Variants in OTOS observed in about 807,000 individuals in gnomAD.
OTOS encodes otospiralin.
A neutral mutation model predicts 12.5 loss-of-function variants in OTOS; 14 were observed. That is an observed-to-expected ratio of 1.12 (90% CI 0.74 to 1.76). The LOEUF (loss-of-function observed/expected upper bound fraction) is 1.76, where lower values mean the gene tolerates loss of function less well. Among genes scored for constraint, OTOS ranks in the 40% most tolerant of loss-of-function variants. OTOS has a pLI of 0.00. For synonymous variants in OTOS, 49 were observed against 47.6 expected (o/e 1.03, Z -0.12); for missense variants, 141 against 112.8 (o/e 1.25, Z -1.13).
rs114600258 is a variant in OTOS, at chr2:240,140,390, G to A, written c.-64C>T. 25,638 of 1,493,444 alleles carry A rather than the reference G, an allele frequency of 0.017. 302 individuals are homozygous for A. Among genetic ancestry groups the A allele is most frequent in the African/African-American group, 0.048 (3,476 of 72,238 alleles). The allele number at this position is 1,493,444 out of a possible 1,614,324, so 92.5% of individuals were successfully genotyped here. ...GCAGCAGGATGAACCCAGGAAGGGC[G>A]AGACCACCCATCCGTCAGGGCCGGC... On this transcript the variant is annotated 5_prime_UTR_variant, in exon 2 of 4. Coordinates refer to ENST00000319460, the MANE Select transcript of OTOS (RefSeq NM_148961.4).
At chr2:240,139,928 G>T in intron 3 of OTOS, 134 bp downstream of exon 3, 2 of 1,019,754 alleles carry the variant, frequency 2.0e-6, no homozygotes, top group Non-Finnish European at 2.9e-6. Context: ...TGTTTTCCAT[G>T]CTTGGGCCTG....
Position 240,139,283 on chromosome 2 carries a change from G to A in OTOS, c.157C>T (p.His53Tyr). 1 of 1,614,196 alleles carries A rather than the reference G, an allele frequency of 6.2e-7. No homozygotes were observed. The highest frequency in any genetic ancestry group is 8.5e-7 in the Non-Finnish European group (1 of 1,180,034). ...STSDFWNYVQ[H>Y]FQALGAYPQI... ...GGGTAGGCCCCCAGGGCCTGGAAGT[G>A]CTGCACATAGTTCCAGAAGTCAGAG... is the stretch of plus-strand genomic sequence containing the variant. Residue 53 changes from histidine to tyrosine, a missense_variant, in exon 4 of 4, where the codon CAC becomes TAC. Physicochemically the swap from His to Tyr is moderately conservative, Grantham distance 83 (BLOSUM62 2). Coordinates refer to ENST00000319460, the MANE Select transcript of OTOS (RefSeq NM_148961.4).
chr2:240,139,313 A>G lies in OTOS; in HGVS notation c.127T>C (p.Ser43Pro), dbSNP rs1481702942. 1.2e-6 allele frequency: 2 copies of G among 1,614,022 alleles called. No individual in the cohort carries two copies. The highest frequency in any genetic ancestry group is 1.7e-6 in the Non-Finnish European group (2 of 1,180,012). ...ELPAMPYWPF[S>P]TSDFWNYVQH... ...ACATAGTTCCAGAAGTCAGAGGTGG[A>G]GAAAGGCCAGTAGGGCATGGCCGGC... Residue 43 changes from serine to proline, a missense_variant, in exon 4 of 4, where the codon TCC becomes CCC. Ser to Pro is a moderately conservative substitution (Grantham distance 74, BLOSUM62 -1). Coordinates refer to ENST00000319460, the MANE Select transcript of OTOS (RefSeq NM_148961.4).
At chr2:240,140,211 A>AGAACAGGAGGGCTGTC in intron 2 of OTOS, 58 bp downstream of exon 2, 6 of 1,587,204 alleles carry the variant, frequency 3.8e-6, no homozygotes, top group Non-Finnish European at 5.1e-6. Flanking sequence ...GGGAGGGGAG[A>AGAACAGGAGGGCTGTC]GAACAGGAGG....
At position 240,139,268 on chromosome 2, in the gene OTOS, CCAGGGCCTGGA is replaced by C; in HGVS notation, c.161_171del (p.Phe54TrpfsTer74). 6.2e-7 allele frequency: 1 copy of C among 1,614,164 alleles called. No homozygotes were observed. Among genetic ancestry groups the C allele is most frequent in the Non-Finnish European group, 8.5e-7 (1 of 1,180,014 alleles). ...ATGTCCTCGATCTGGGGGTAGGCCC[CCAGGGCCTGGA>C]AGTGCTGCACATAGTTCCAGAAGTC... On this transcript the variant is annotated frameshift_variant, in exon 4 of 4. Coordinates refer to ENST00000319460, the MANE Select transcript of OTOS (RefSeq NM_148961.4). LOFTEE classifies it high-confidence loss of function.
intron 3 of OTOS, 53 bp downstream of exon 3, chr2:240,140,009 G>T: frequency 2.5e-6 from 4 of 1,590,508 alleles, no homozygotes; most frequent in East Asian, 2.2e-5. Flanking sequence ...GTTTCTCCCC[G>T]CTGCATACCA....
chr2:240,139,611 G>T (rs1423406400), intron 3 of OTOS, among the ~76,000 whole-genome samples: 1 of 152,212 alleles, frequency 6.6e-6, no homozygotes, highest in African/African-American at 2.4e-5. Flanking sequence ...TGGGGAGGGT[G>T]TGGGGCACCA....
Position 240,140,249 on chromosome 2 carries a change from C to A in OTOS, c.58+20G>T. 6.3e-7 allele frequency: 1 copy of A among 1,585,278 alleles called. No homozygotes were observed. Among genetic ancestry groups the A allele is most frequent in the Non-Finnish European group, 8.6e-7 (1 of 1,165,318 alleles). On this transcript the variant is annotated intron_variant, in intron 2 of 3. Coordinates refer to ENST00000319460, the MANE Select transcript of OTOS (RefSeq NM_148961.4). The stretch of plus-strand genomic sequence containing the variant: ...TGTCGGGGGTCCTGGTGGCTGCCTC[C>A]CTCCAGAGCGGCCCCTCACCTGCAA...
In OTOS at chr2:240,140,333, G is replaced by A. The variant is rs775908430; in HGVS notation, c.-7C>T. ...GCACCATGCAGGCCTGCATCTTCCCGGTGCTTCCTGATCTGCGACTCAGGC... is the reference window on the plus strand; with the variant it reads ...GCACCATGCAGGCCTGCATCTTCCCAGTGCTTCCTGATCTGCGACTCAGGC... On this transcript the variant is annotated 5_prime_UTR_variant, in exon 2 of 4. Coordinates refer to ENST00000319460, the MANE Select transcript of OTOS (RefSeq NM_148961.4). 137 of 1,578,030 alleles carry A rather than the reference G, an allele frequency of 8.7e-5. No individual in the cohort carries two copies. Among genetic ancestry groups the A allele is most frequent in the East Asian group, 7.9e-4 (34 of 43,206 alleles).
intron 3 of OTOS, 83 bp from the exon 4 acceptor site, chr2:240,139,437 T>G (rs958497373): frequency 1.0e-5 from 15 of 1,430,566 alleles, no homozygotes; most frequent in African/African-American, 1.4e-5. Context: ...TCAAGGCAAG[T>G]GGATGGTTCC....
rs2072033204 is a variant in OTOS at position 240,139,384 on chromosome 2, G to T, written c.86-30C>A. On this transcript the variant is annotated intron_variant, in intron 3 of 3. Transcript: ENST00000319460. ...AAGACACAAGACACCTGCCTTGGGGGCTGTCCCCATGGTCCTGCCTGGAGA... is the reference window on the plus strand; with the variant it reads ...AAGACACAAGACACCTGCCTTGGGGTCTGTCCCCATGGTCCTGCCTGGAGA... 2.5e-6 allele frequency: 4 copies of T among 1,591,190 alleles called. No individual in the cohort carries two copies. The African/African-American group carries it at 5.4e-5, about 21-fold the overall frequency.
Position 240,139,210 on chromosome 2 carries a change from C to T in OTOS, c.230G>A (p.Gly77Glu). ...ARTFFAHFPL[G>E]STLGFHVPYQ... ...GGGAACGTGGAAGCCCAGCGTGCTCCCCAGGGGGAAGTGGGCAAAGAAGGT... is the reference window on the plus strand; with the variant it reads ...GGGAACGTGGAAGCCCAGCGTGCTCTCCAGGGGGAAGTGGGCAAAGAAGGT... The change falls in exon 4 of 4, where the codon GGG becomes GAG. Residue 77 changes from glycine (G) to glutamate (E), a missense_variant. By Grantham distance (98) the Gly-to-Glu change is moderately conservative (BLOSUM62 -2). Transcript: ENST00000319460. 1.2e-6 allele frequency: 2 copies of T among 1,614,080 alleles called. No individual in the cohort carries two copies. The highest frequency in any genetic ancestry group is 1.1e-5 in the South Asian group (1 of 91,084).
At chr2:240,139,800 A>C (rs974284737) in intron 3 of OTOS, among the ~76,000 whole-genome samples, 6 of 152,138 alleles carry the variant, frequency 3.9e-5, no homozygotes, top group Non-Finnish European at 8.8e-5. Context: ...GTCAGGGGTC[A>C]TGGGGCCCTG....
intron 3 of OTOS, 134 bp from the exon 4 acceptor site, chr2:240,139,488 C>T: frequency 2.3e-6 from 2 of 865,498 alleles, no homozygotes; most frequent in East Asian, 2.7e-5. Context: ...AGAGTGGGGG[C>T]CTGAGCCCAT....
Position 240,140,414 on chromosome 2 carries a change from G to A in OTOS, c.-88C>T, listed in dbSNP as rs1429885797. The stretch of plus-strand genomic sequence containing the variant: ...CGAGACCACCCATCCGTCAGGGCCG[G>A]CTTCCTCTACCAGTCCCAGTGTGGG... On this transcript the variant is annotated 5_prime_UTR_variant, in exon 2 of 4. Transcript: ENST00000319460. 2.1e-6 allele frequency: 3 copies of A among 1,395,782 alleles called. No homozygotes were observed. The highest frequency in any genetic ancestry group is 1.4e-5 in the African/African-American group (1 of 69,702). 86.5% of individuals were successfully genotyped at this position (1,395,782 alleles called of 1,614,324 possible). A position where few individuals can be genotyped will look rare whatever the true frequency, so the allele number is the denominator to read the frequency against.
intron 3 of OTOS, 120 bp downstream of exon 3, chr2:240,139,942 T>A: frequency 8.3e-7 from 1 of 1,201,988 alleles, no homozygotes; most frequent in Non-Finnish European, 1.2e-6. Flanking sequence ...GGGCCTGAGC[T>A]GAGCCAGGGC....
At chr2:240,139,452 T>A in intron 3 of OTOS, 98 bp from the exon 4 acceptor site, 1 of 1,294,738 alleles carries the variant, frequency 7.7e-7, no homozygotes, top group South Asian at 1.4e-5. Flanking sequence ...GGTTCCCAGC[T>A]CTACCTACAG....
At position 240,139,163 on chromosome 2, in the gene OTOS, A is replaced by G; in HGVS notation, c.*7T>C. The G allele has an allele frequency of 6.2e-7, 1 of 1,611,236 alleles. No individual in the cohort carries two copies. The highest frequency in any genetic ancestry group is 8.5e-7 in the Non-Finnish European group (1 of 1,178,296). ...GCGGGGTGGGCGGGCACCAGGCTGG[A>G]CACCATTCAGTCCTCCTGATAGGGA... On this transcript the variant is annotated 3_prime_UTR_variant, in exon 4 of 4. Transcript: ENST00000319460.
Position 240,140,463 on chromosome 2 carries a change from A to AT in OTOS, c.-118-20dup, listed in dbSNP as rs1396200429. On this transcript the variant is annotated intron_variant, in intron 1 of 3. Coordinates refer to ENST00000319460, the MANE Select transcript of OTOS (RefSeq NM_148961.4). ...GGCAGCCCTGGGGAAAATGGCATGG[A>AT]TTTAAAAAAAAAATTCTTACTGTTT... 77 of 825,768 alleles carry AT rather than the reference A, an allele frequency of 9.3e-5. No individual in the cohort carries two copies. The highest frequency in any genetic ancestry group is 1.2e-4 in the South Asian group (6 of 48,712). 51.2% of individuals were successfully genotyped at this position (825,768 alleles called of 1,614,324 possible).
Sources: gnomAD v4.1 joint callset for allele counts (sites outside exome capture counted in the v4.1 genomes callset) on GRCh38, gnomAD v4.1.1 for gene constraint, MANE v1.5 for transcripts, NCBI Gene and HGNC (gene_info 2026-07-23, HGNC 2026-07-21) for gene names.